Variants in CCDC85C observed in about 807,000 individuals in gnomAD.
CCDC85C encodes the protein coiled-coil domain containing 85C.
CCDC85C carries 18 observed loss-of-function variants against 38.3 expected under a neutral mutation model. The ratio of observed to expected loss-of-function variants is 0.47; its 90% CI spans 0.33 to 0.70. CCDC85C has a LOEUF of 0.70. Among genes scored for constraint, CCDC85C ranks in the 30% least tolerant of loss-of-function variants. CCDC85C has a pLI of 0.03. For missense variants in CCDC85C, 566 were observed against 621.2 expected (o/e 0.91, Z 0.94); for synonymous variants, 264 against 293.8 (o/e 0.90, Z 1.04).
Position 99,502,117 on chromosome 14 carries a change from A to G in CCDC85C, c.*13129T>C, listed in dbSNP as rs1158406800. ...ATTAAATTTAGGGGAGAATAAGCAAATTAATGGTTAGTTATGGCATCTCCA... is the reference window on the plus strand; with the variant it reads ...ATTAAATTTAGGGGAGAATAAGCAAGTTAATGGTTAGTTATGGCATCTCCA... On this transcript the variant is annotated 3_prime_UTR_variant, in exon 6 of 6. Transcript: ENST00000380243. The G allele has an allele frequency of 2.2e-6, 3 of 1,360,916 alleles. No individual in the cohort carries two copies. The highest frequency in any genetic ancestry group is 2.6e-5 in the East Asian group (1 of 38,250). 84.3% of individuals were successfully genotyped at this position (1,360,916 alleles called of 1,614,324 possible).
rs150088233 is a variant in CCDC85C, at chr14:99,544,154, C to T, written c.794-8066G>A. ...CCTGTAACTGCTACCACTGTGTCAT[C>T]GACAAGGCGCCTGAGACTCAGCGAT... On this transcript the variant is annotated intron_variant, in intron 1 of 5. Transcript: ENST00000380243. The surrounding 1 kb of genome is among the most constrained non-coding windows in gnomAD (Gnocchi z 5.3). Among the ~76,000 whole-genome samples the T allele has an allele frequency of 2.7e-3, 405 of 152,300 alleles. No individual in the cohort carries two copies. Among genetic ancestry groups the T allele is most frequent in the African/African-American group, 9.1e-3 (379 of 41,558 alleles).
Position 99,513,327 on chromosome 14 carries a change from C to T in CCDC85C, c.*1919G>A, listed in dbSNP as rs1223813816. ...TGGACTGCAAGACCCAGAGGGGCCTCTGCTCAGCTGCCCACTCGGGCAAGA... is the reference window on the plus strand; with the variant it reads ...TGGACTGCAAGACCCAGAGGGGCCTTTGCTCAGCTGCCCACTCGGGCAAGA... On this transcript the variant is annotated 3_prime_UTR_variant, in exon 6 of 6. Transcript: ENST00000380243. The T allele has an allele frequency of 6.6e-6, 1 of 152,242 alleles. No individual in the cohort carries two copies. Among genetic ancestry groups the T allele is most frequent in the African/African-American group, 2.4e-5 (1 of 41,454 alleles). 9.4% of individuals were successfully genotyped at this position (152,242 alleles called of 1,614,324 possible). A position where few individuals can be genotyped will look rare whatever the true frequency, so the allele number is the denominator to read the frequency against.
intron 1 of CCDC85C, among the ~76,000 whole-genome samples, chr14:99,583,991 G>A (rs151003965): frequency 2.0e-5 from 3 of 152,072 alleles, no homozygotes; most frequent in African/African-American, 7.2e-5. Flanking sequence ...CTCCTTATGT[G>A]AGATGTCACC....
At chr14:99,534,787 G>A in intron 2 of CCDC85C, 1 of 698,086 alleles carries the variant, frequency 1.4e-6, no homozygotes, top group Non-Finnish European at 2.6e-6. Context: ...CACCAGCCCT[G>A]GGAAGCCAGC....
In CCDC85C at chr14:99,504,644, T is replaced by G. The variant is rs1434922526; in HGVS notation, c.*10602A>C. The stretch of plus-strand genomic sequence containing the variant: ...TTTGTATTTTTAGTAGAGACAGGGT[T>G]TCTCCATGTTGGTCAGGCAGGTGTC... On this transcript the variant is annotated 3_prime_UTR_variant, in exon 6 of 6. Coordinates refer to ENST00000380243, the MANE Select transcript of CCDC85C (RefSeq NM_001144995.2). The G allele has an allele frequency of 6.6e-6, 1 of 152,146 alleles. No individual in the cohort carries two copies. Among genetic ancestry groups the G allele is most frequent in the Admixed American group, 6.6e-5 (1 of 15,266 alleles). The allele number at this position is 152,146 out of a possible 1,614,324, so 9.4% of individuals were successfully genotyped here. A position where few individuals can be genotyped will look rare whatever the true frequency, so the allele number is the denominator to read the frequency against.
intron 2 of CCDC85C, chr14:99,534,620 G>A: frequency 1.4e-6 from 1 of 702,222 alleles, no homozygotes; most frequent in South Asian, 1.5e-5. Context: ...CAAAGCAAAG[G>A]TCCCTAAGCC....
rs1896975709 is a variant in CCDC85C, at chr14:99,506,395, T to C, written c.*8851A>G. The stretch of plus-strand genomic sequence containing the variant: ...GGATGAGATTGGACTTCCCTTGGGC[T>C]GCCTTGGAGACCTAGTGCTGTCATT... On this transcript the variant is annotated 3_prime_UTR_variant, in exon 6 of 6. Transcript: ENST00000380243. 6.6e-6 allele frequency: 1 copy of C among 152,574 alleles called. No individual in the cohort carries two copies. 9.5% of individuals were successfully genotyped at this position (152,574 alleles called of 1,614,324 possible).
At chr14:99,562,980 A>G (rs1898147301) in intron 1 of CCDC85C, among the ~76,000 whole-genome samples, 1 of 152,188 alleles carries the variant, frequency 6.6e-6, no homozygotes, top group Non-Finnish European at 1.5e-5. Flanking sequence ...TCCAGGGGTC[A>G]TTTATTTTAA....
chr14:99,561,940 C>T (rs190953151), intron 1 of CCDC85C, among the ~76,000 whole-genome samples: 2 of 152,322 alleles, frequency 1.3e-5, no homozygotes, highest in Admixed American at 6.5e-5. Context: ...CATGCAGTGA[C>T]GTGCTTATCC....
chr14:99,596,650 G>T (rs1450590864), intron 1 of CCDC85C, among the ~76,000 whole-genome samples: 1 of 152,210 alleles, frequency 6.6e-6, no homozygotes, highest in African/African-American at 2.4e-5. Flanking sequence ...TTGCCTAGGG[G>T]AGGGGGACCA....
chr14:99,543,296 G>GA (rs1897748166), intron 1 of CCDC85C, among the ~76,000 whole-genome samples: 1 of 152,096 alleles, frequency 6.6e-6, no homozygotes, highest in African/African-American at 2.4e-5. Flanking sequence ...TCTTACAAAG[G>GA]AAAAAAGGAA....
Position 99,536,191 on chromosome 14 carries a change from G to A in CCDC85C, c.794-103C>T, listed in dbSNP as rs1897595518. ...GACCCGGCATGGAAGGTTTGGGTCT[G>A]AGGAGTCCCACCCCACAGCCAGGTG... On this transcript the variant is annotated intron_variant, in intron 1 of 5. Coordinates refer to ENST00000380243, the MANE Select transcript of CCDC85C (RefSeq NM_001144995.2). 3 of 811,898 alleles carry A rather than the reference G, an allele frequency of 3.7e-6. No homozygotes were observed. The Admixed American group carries it at 6.0e-5, about 16-fold the overall frequency. 50.3% of individuals were successfully genotyped at this position (811,898 alleles called of 1,614,324 possible).
intron 1 of CCDC85C, among the ~76,000 whole-genome samples, chr14:99,561,775 A>C (rs1161027319): frequency 6.6e-6 from 1 of 152,190 alleles, no homozygotes; most frequent in African/African-American, 2.4e-5. Flanking sequence ...AAATGTGGGA[A>C]GGGGGCAGAG....
At chr14:99,536,225 G>T in intron 1 of CCDC85C, 137 bp from the exon 2 acceptor site, 1 of 682,830 alleles carries the variant, frequency 1.5e-6, no homozygotes. Flanking sequence ...TGACGCCCCA[G>T]CCCCTCCGAG....
Position 99,503,257 on chromosome 14 carries a change from T to C in CCDC85C, c.*11989A>G. 1 of 641,026 alleles carries C rather than the reference T, an allele frequency of 1.6e-6. No homozygotes were observed. The highest frequency in any genetic ancestry group is 2.8e-6 in the Non-Finnish European group (1 of 354,744). The allele number at this position is 641,026 out of a possible 1,614,324, so 39.7% of individuals were successfully genotyped here. On this transcript the variant is annotated 3_prime_UTR_variant, in exon 6 of 6. Coordinates refer to ENST00000380243, the MANE Select transcript of CCDC85C (RefSeq NM_001144995.2). ...AGGGTTCTGAAGCCTGTCGGTGTCG[T>C]TGCCGTGTCCTAGCAGTGTCGTTGT...
chr14:99,557,896 C>T (rs1378672251), intron 1 of CCDC85C, among the ~76,000 whole-genome samples: 1 of 150,648 alleles, frequency 6.6e-6, no homozygotes, highest in Non-Finnish European at 1.5e-5. Flanking sequence ...ACCTGGGCCA[C>T]AGAATAAGAC....
intron 1 of CCDC85C, among the ~76,000 whole-genome samples, chr14:99,559,793 C>A (rs1037243312): frequency 6.6e-6 from 1 of 152,172 alleles, no homozygotes; most frequent in Admixed American, 6.5e-5. Flanking sequence ...GCATCTGATG[C>A]AGCGTGGACT....
Position 99,501,334 on chromosome 14 carries a change from A to C in CCDC85C, c.*13912T>G, listed in dbSNP as rs1341939701. ...TGAATTTTTCTATTGCTATTAATTTACCTTTTTGTCCCCATTTCTAGGTGA... is the reference window on the plus strand; with the variant it reads ...TGAATTTTTCTATTGCTATTAATTTCCCTTTTTGTCCCCATTTCTAGGTGA... On this transcript the variant is annotated 3_prime_UTR_variant, in exon 6 of 6. Coordinates refer to ENST00000380243, the MANE Select transcript of CCDC85C (RefSeq NM_001144995.2). The C allele has an allele frequency of 1.2e-5, 19 of 1,532,874 alleles. No homozygotes were observed. Among genetic ancestry groups the C allele is most frequent in the Non-Finnish European group, 1.7e-5 (19 of 1,108,432 alleles). The allele number at this position is 1,532,874 out of a possible 1,614,324, so 95.0% of individuals were successfully genotyped here.
chr14:99,551,596 G>GTGAGTGTGCAGGTGGGTGAGCAGT (rs1219839729), intron 1 of CCDC85C, among the ~76,000 whole-genome samples: 1 of 149,400 alleles, frequency 6.7e-6, no homozygotes, highest in Non-Finnish European at 1.5e-5. Context: ...TGGGTGAGAG[G>GTGAGTGTGCAGGTGGGTGAGCAGT]TGAGTGTGCA....
Sources: allele counts gnomAD v4.1 joint callset (sites outside exome capture counted in the v4.1 genomes callset), GRCh38; gene constraint gnomAD v4.1.1; non-coding constraint Gnocchi (gnomAD v3.1); transcripts MANE v1.5; gene names NCBI Gene and HGNC (gene_info 2026-07-23, HGNC 2026-07-21).